The following COL19A1 variants were observed in gnomAD, a reference collection of about 807,000 sequenced individuals.
The protein encoded by COL19A1 is collagen type XIX alpha 1 chain, also known as collagen alpha-1(XIX) chain.
COL19A1 carries 159 observed loss-of-function variants against 190.2 expected under a neutral mutation model. That is an observed-to-expected ratio of 0.84 (90% CI 0.73 to 0.95). The LOEUF (loss-of-function observed/expected upper bound fraction) is 0.95. Among genes scored for constraint, COL19A1 ranks in the 40% least tolerant of loss-of-function variants. The pLI is 0.00. For synonymous variants in COL19A1, 509 were observed against 458.9 expected (o/e 1.11, Z -1.39); for missense variants, 1,418 against 1,431.9 (o/e 0.99, Z 0.16).
intron 10 of COL19A1, among the ~76,000 whole-genome samples, chr6:69,960,424 G>C (rs1329124976): frequency 1.3e-5 from 2 of 152,092 alleles, no homozygotes; most frequent in Admixed American, 6.5e-5. Context: ...GTATATCCCA[G>C]ATAGAGCTAA....
At chr6:69,960,623 C>CTTTT (rs35552190) in intron 10 of COL19A1, among the ~76,000 whole-genome samples, 48 of 109,850 alleles carry the variant, frequency 4.4e-4, no homozygotes, top group African/African-American at 4.7e-4. Flanking sequence ...TGTGCCCCCA[C>CTTTT]TTTTTTTTTT....
At chr6:69,927,228 T>G (rs1411317010) in intron 4 of COL19A1, among the ~76,000 whole-genome samples, 1 of 152,132 alleles carries the variant, frequency 6.6e-6, no homozygotes, top group Non-Finnish European at 1.5e-5. Context: ...TAAATGTACT[T>G]AGTTTGTGTT....
At chr6:69,921,256 C>CATATCAT (rs1554166055) in intron 4 of COL19A1, among the ~76,000 whole-genome samples, 1 of 125,854 alleles carries the variant, frequency 7.9e-6, no homozygotes, top group Non-Finnish European at 1.5e-5. Context: ...TGTCATATAT[C>CATATCAT]ATATCATATA....
intron 10 of COL19A1, among the ~76,000 whole-genome samples, chr6:69,961,735 T>C (rs1774809965): frequency 1.3e-5 from 2 of 151,992 alleles, no homozygotes. Flanking sequence ...TATTTAATCA[T>C]CTAATTATAT....
intron 4 of COL19A1, among the ~76,000 whole-genome samples, chr6:69,916,377 A>C (rs1311998496): frequency 6.6e-6 from 1 of 152,244 alleles, no homozygotes; most frequent in Admixed American, 6.5e-5. Flanking sequence ...GTTTGGTGAA[A>C]ACTTCTAAGT....
intron 40 of COL19A1, among the ~76,000 whole-genome samples, chr6:70,170,497 A>T (rs1765433809): frequency 6.6e-6 from 1 of 152,122 alleles, no homozygotes; most frequent in Admixed American, 6.6e-5. Context: ...GAGGCGCTCC[A>T]TTTCATTCCT....
At chr6:70,122,653 T>G (rs975500958) in intron 17 of COL19A1, among the ~76,000 whole-genome samples, 11 of 152,196 alleles carry the variant, frequency 7.2e-5, no homozygotes, top group Non-Finnish European at 1.0e-4. Context: ...TGGTTCATCA[T>G]TGATTTCTTG....
intron 2 of COL19A1, among the ~76,000 whole-genome samples, chr6:69,881,651 T>TC (rs1768563279): frequency 6.6e-6 from 1 of 152,230 alleles, no homozygotes; most frequent in Non-Finnish European, 1.5e-5. Flanking sequence ...TGAAAGATTT[T>TC]CCCAACAATG....
At chr6:69,921,541 CATATATATTCAT>C (rs1209822639) in intron 4 of COL19A1, among the ~76,000 whole-genome samples, 1 of 130,068 alleles carries the variant, frequency 7.7e-6, no homozygotes, top group Non-Finnish European at 1.6e-5. Context: ...CATGTATATT[CATATATATTCAT>C]ATATATATTC....
At chr6:70,204,625 T>C (rs1440273894) in intron 49 of COL19A1, among the ~76,000 whole-genome samples, 1 of 152,242 alleles carries the variant, frequency 6.6e-6, no homozygotes, top group Non-Finnish European at 1.5e-5. Flanking sequence ...TGCATTATAT[T>C]GCAAATCTGA....
chr6:70,048,907 C>A (rs531058370), intron 14 of COL19A1, among the ~76,000 whole-genome samples: 1 of 152,026 alleles, frequency 6.6e-6, no homozygotes, highest in African/African-American at 2.4e-5. Context: ...AAAGGCTTAC[C>A]CATTTTATAA....
At chr6:70,107,366 G>C (rs571930108) in intron 16 of COL19A1, among the ~76,000 whole-genome samples, 86 of 152,214 alleles carry the variant, frequency 5.6e-4, no homozygotes, top group African/African-American at 2.0e-3. Context: ...TCACTAGCTT[G>C]TCCTGGAACA....
At chr6:69,950,674 CCACACACA>C (rs56757599) in intron 9 of COL19A1, among the ~76,000 whole-genome samples, 8,924 of 136,206 alleles carry the variant, frequency 0.066, 348 homozygotes, top group East Asian at 0.17. Context: ...ATGAATGCAG[CCACACACA>C]CACACACACA....
intron 15 of COL19A1, among the ~76,000 whole-genome samples, chr6:70,101,631 T>C (rs1582912978): frequency 6.6e-6 from 1 of 152,212 alleles, no homozygotes; most frequent in East Asian, 1.9e-4. Context: ...CAAATTTTAG[T>C]GAGCATAAAA....
At chr6:70,161,799 T>A in intron 34 of COL19A1, 101 bp from the exon 35 acceptor site, 1 of 735,576 alleles carries the variant, frequency 1.4e-6, no homozygotes. Context: ...CTCGATTAGC[T>A]AAATAAGTGT....
chr6:70,168,391 A>G (rs1379074088), intron 39 of COL19A1, among the ~76,000 whole-genome samples, 176 bp downstream of exon 39: 1 of 152,232 alleles, frequency 6.6e-6, no homozygotes, highest in Non-Finnish European at 1.5e-5. Flanking sequence ...GTATGCAGCC[A>G]AAATAATGGA....
chr6:69,932,980 G>C (rs1262621976), intron 7 of COL19A1, 117 bp downstream of exon 7: 4 of 562,282 alleles, frequency 7.1e-6, no homozygotes, highest in Non-Finnish European at 1.2e-5. Flanking sequence ...AGCCAGGTGG[G>C]TAATTTATTC....
At chr6:70,183,497 A>AT (rs1766313081) in intron 44 of COL19A1, among the ~76,000 whole-genome samples, 1 of 152,212 alleles carries the variant, frequency 6.6e-6, no homozygotes, top group Non-Finnish European at 1.5e-5. Flanking sequence ...CAAAAACATG[A>AT]ACTACACTTT....
chr6:70,026,749 C>T (rs1778750716), intron 12 of COL19A1, among the ~76,000 whole-genome samples: 1 of 151,920 alleles, frequency 6.6e-6, no homozygotes, highest in African/African-American at 2.4e-5. Flanking sequence ...GAAATTTGAC[C>T]CTCACCCAGC....
Sources: allele counts gnomAD v4.1 joint callset (sites outside exome capture counted in the v4.1 genomes callset), GRCh38; gene constraint gnomAD v4.1.1; transcripts MANE v1.5; gene names NCBI Gene and HGNC (gene_info 2026-07-23, HGNC 2026-07-21).